The following ANO3 variants were observed in gnomAD, a reference collection of about 807,000 sequenced individuals.
ANO3 encodes anoctamin 3.
A neutral mutation model predicts 144.8 loss-of-function variants in ANO3; 99 were observed. The observed-to-expected ratio is 0.68, with a 90% CI of 0.58 to 0.81. ANO3 has a LOEUF of 0.81. Ranked by LOEUF, ANO3 falls within the 30% of genes least tolerant of loss-of-function variation. The pLI, the probability that ANO3 is intolerant of heterozygous loss-of-function variation, is 0.00. For missense variants in ANO3, 905 were observed against 1,202.2 expected, an observed-to-expected ratio of 0.75 and a Z score of 3.66; for synonymous variants, 414 against 392.6, an observed-to-expected ratio of 1.05 and a Z score of -0.64.
chr11:26,288,686 TC>T (rs1853865080), intron 1 of ANO3, among the ~76,000 whole-genome samples: 1 of 152,150 alleles, frequency 6.6e-6, no homozygotes, highest in South Asian at 2.1e-4. Context: ...ACCATTTTCT[TC>T]TTTTGATCTG....
At chr11:26,285,273 A>C (rs990017687) in intron 1 of ANO3, among the ~76,000 whole-genome samples, 1 of 152,206 alleles carries the variant, frequency 6.6e-6, no homozygotes, top group African/African-American at 2.4e-5. Flanking sequence ...GAAACTCATA[A>C]TTTGCATAAT....
At chr11:26,265,358 G>T (rs1288813827) in intron 1 of ANO3, among the ~76,000 whole-genome samples, 1 of 152,088 alleles carries the variant, frequency 6.6e-6, no homozygotes, top group East Asian at 1.9e-4. Context: ...TAACCTCAGA[G>T]CTCCTTGAGG....
chr11:26,407,837 C>T (rs556916670), intron 1 of ANO3, among the ~76,000 whole-genome samples: 2 of 151,824 alleles, frequency 1.3e-5, no homozygotes, highest in African/African-American at 2.4e-5. Context: ...CTCCCCTTTG[C>T]CTTCTGCTCT....
chr11:26,609,293 C>A (rs182814965), intron 17 of ANO3, among the ~76,000 whole-genome samples: 149 of 152,166 alleles, frequency 9.8e-4, no homozygotes, highest in Non-Finnish European at 1.7e-3. Context: ...AACTTGGATA[C>A]CTTGGTTGCA....
At chr11:26,444,527 A>G (rs965803863) in intron 3 of ANO3, among the ~76,000 whole-genome samples, 2 of 152,234 alleles carry the variant, frequency 1.3e-5, no homozygotes, top group African/African-American at 4.8e-5. Flanking sequence ...CAGTGCCTAC[A>G]TAAGGAGTTC....
At chr11:26,603,838 A>G (rs1375506734) in intron 17 of ANO3, among the ~76,000 whole-genome samples, 3 of 152,126 alleles carry the variant, frequency 2.0e-5, no homozygotes, top group Admixed American at 6.6e-5. Context: ...ACATATTGTA[A>G]TGGTACAGGT....
chr11:26,324,280 G>T (rs1231001190), intron 1 of ANO3, among the ~76,000 whole-genome samples: 1 of 152,102 alleles, frequency 6.6e-6, no homozygotes, highest in African/African-American at 2.4e-5. Flanking sequence ...GTGGAGCTGG[G>T]CATATGCCCA....
At chr11:26,517,893 A>G (rs1861920647) in intron 6 of ANO3, among the ~76,000 whole-genome samples, 1 of 152,052 alleles carries the variant, frequency 6.6e-6, no homozygotes, top group African/African-American at 2.4e-5. Context: ...ATGCAACCAT[A>G]GTCATTGCCC....
intron 1 of ANO3, among the ~76,000 whole-genome samples, chr11:26,434,427 C>T (rs890376253): frequency 5.3e-5 from 8 of 152,066 alleles, no homozygotes; most frequent in African/African-American, 1.9e-4. Flanking sequence ...TCTCGTTCTT[C>T]AGTTTACCTC....
At chr11:26,637,262 A>G (rs1052400246) in intron 20 of ANO3, among the ~76,000 whole-genome samples, 17 of 152,192 alleles carry the variant, frequency 1.1e-4, no homozygotes, top group African/African-American at 3.9e-4. Flanking sequence ...ACTTTGGCCT[A>G]TCCTTTGTGG....
rs191257074 is a variant in ANO3, at chr11:26,487,983, T to G, written c.433-20121T>G. 2.5e-3 allele frequency among the ~76,000 whole-genome samples: 374 copies of G among 152,192 alleles called. 2 individuals are homozygous for G. Among genetic ancestry groups the G allele is most frequent in the Non-Finnish European group, 2.3e-3 (154 of 67,998 alleles). ...GAGATTGAGACCATCCTGGCCAACA[T>G]GTTGAAACCCCATCTCTACTAAAAA... is the stretch of plus-strand genomic sequence containing the variant. On this transcript the variant is annotated intron_variant, in intron 4 of 26. Transcript: ENST00000256737.
chr11:26,341,676 C>T (rs573735436), intron 1 of ANO3, among the ~76,000 whole-genome samples: 2 of 152,240 alleles, frequency 1.3e-5, no homozygotes, highest in East Asian at 3.9e-4. Context: ...CCATGATAGG[C>T]CGTCTGCAAG....
intron 3 of ANO3, among the ~76,000 whole-genome samples, chr11:26,457,116 C>T (rs1347559186): frequency 3.4e-5 from 5 of 147,526 alleles, no homozygotes; most frequent in Admixed American, 6.8e-5. Context: ...GGGAGATATA[C>T]CTAATGCTAG....
intron 1 of ANO3, among the ~76,000 whole-genome samples, chr11:26,250,037 C>T (rs760085246): frequency 6.6e-6 from 1 of 152,192 alleles, no homozygotes; most frequent in Non-Finnish European, 1.5e-5. Context: ...CTGTCCCTGT[C>T]GCTTCCAAAG....
At chr11:26,542,262 A>T (rs183730645) in intron 11 of ANO3, among the ~76,000 whole-genome samples, 194 bp downstream of exon 11, 15 of 152,250 alleles carry the variant, frequency 9.9e-5, no homozygotes, top group African/African-American at 3.6e-4. Context: ...GAAATCAAAC[A>T]GGCTTTGCAA....
chr11:26,528,664 C>A (rs182382245), intron 7 of ANO3, among the ~76,000 whole-genome samples: 211 of 152,130 alleles, frequency 1.4e-3, no homozygotes, highest in African/African-American at 5.0e-3. Context: ...GAAATGAGAA[C>A]CTGAAGCTCA....
At chr11:26,593,382 G>A (rs930226862) in intron 14 of ANO3, among the ~76,000 whole-genome samples, 4 of 152,154 alleles carry the variant, frequency 2.6e-5, no homozygotes, top group African/African-American at 7.2e-5. Context: ...ACAACTTAGT[G>A]TCTGGGAGAA....
At chr11:26,194,439 GGTGTGTGTGTGTGTGT>G (rs1161631402) in intron 1 of ANO3, among the ~76,000 whole-genome samples, 9 of 60,584 alleles carry the variant, frequency 1.5e-4, no homozygotes, top group East Asian at 9.5e-4. Flanking sequence ...GGTACATAGT[GGTGTGTGTGTGTGTGT>G]GTGTGTGTGT....
chr11:26,391,787 T>C (rs1320372827), intron 1 of ANO3, among the ~76,000 whole-genome samples: 1 of 152,124 alleles, frequency 6.6e-6, no homozygotes, highest in African/African-American at 2.4e-5. Context: ...GATAGCTCTT[T>C]TATGTGTAGC....
Sources: allele counts gnomAD v4.1 joint callset (sites outside exome capture counted in the v4.1 genomes callset), GRCh38; gene constraint gnomAD v4.1.1; transcripts MANE v1.5; gene names NCBI Gene and HGNC (gene_info 2026-07-23, HGNC 2026-07-21).